The following ANKRD30B variants were observed in gnomAD, a reference collection of about 807,000 sequenced individuals.
ANKRD30B encodes ankyrin repeat domain-containing protein 30B.
Under a neutral mutation model 202.2 loss-of-function variants are expected in ANKRD30B, and 144 were observed. The observed-to-expected ratio is 0.71, with a 90% CI of 0.62 to 0.82. The LOEUF (loss-of-function observed/expected upper bound fraction) is 0.82. ANKRD30B is among the 40% of genes least tolerant of loss of function. The pLI, the probability that ANKRD30B is intolerant of heterozygous loss-of-function variation, is 0.00. For synonymous variants in ANKRD30B, 508 were observed against 561.3 expected, an observed-to-expected ratio of 0.91 and a Z score of 1.34; for missense variants, 1,487 against 1,669.1, an observed-to-expected ratio of 0.89 and a Z score of 1.90.
At chr18:14,907,435 G>C in the ANKRD30B span, among the ~76,000 whole-genome samples, 1 of 152,308 alleles carries the variant, frequency 6.6e-6, no homozygotes, top group East Asian at 1.9e-4. Flanking sequence ...TGTGTTTGGT[G>C]GTGCTGGTGT....
At chr18:14,892,786 T>C in the ANKRD30B span, among the ~76,000 whole-genome samples, 10 of 145,120 alleles carry the variant, frequency 6.9e-5, no homozygotes, top group African/African-American at 2.0e-4. Flanking sequence ...GGCATGGTGG[T>C]GAATTCCTAT....
downstream of ANKRD30B, among the ~76,000 whole-genome samples, chr18:14,855,406 G>A (rs552294193): frequency 7.9e-5 from 12 of 152,268 alleles, no homozygotes; most frequent in South Asian, 4.1e-4. Flanking sequence ...GTCCGTTCCC[G>A]ATGGTGGCTG....
In ANKRD30B at chr18:14,791,398, C is replaced by T. The variant is rs1231748619; in HGVS notation, c.1735-3C>T. The stretch of plus-strand genomic sequence containing the variant: ...AATTATTTATTGATATTACTTTTAA[C>T]AGAGTCCCTGTGAGACGGTTTCACA... On this transcript the variant is annotated splice_region_variant and splice_polypyrimidine_tract_variant and intron_variant, in intron 15 of 43. Transcript: ENST00000690538. 1.1e-5 allele frequency: 18 copies of T among 1,597,314 alleles called. No individual in the cohort carries two copies. Among genetic ancestry groups the T allele is most frequent in the Non-Finnish European group, 1.4e-5 (17 of 1,173,560 alleles).
intron 9 of ANKRD30B, among the ~76,000 whole-genome samples, chr18:14,772,956 T>A (rs1334381210): frequency 2.6e-5 from 4 of 152,094 alleles, no homozygotes; most frequent in Admixed American, 6.5e-5. Context: ...TCACTAATTT[T>A]AAAAATAATT....
At chr18:14,908,568 C>T in the ANKRD30B span, among the ~76,000 whole-genome samples, 4 of 152,210 alleles carry the variant, frequency 2.6e-5, no homozygotes, top group Admixed American at 6.5e-5. Context: ...CTAACCCTCT[C>T]GCTCTGACCT....
Position 14,763,855 on chromosome 18 carries a change from G to T in ANKRD30B, c.990G>T (p.Gln330His), listed in dbSNP as rs1473000372. 2 of 1,613,106 alleles carry T rather than the reference G, an allele frequency of 1.2e-6. No homozygotes were observed. Among genetic ancestry groups the T allele is most frequent in the Non-Finnish European group, 1.7e-6 (2 of 1,179,532 alleles). The change falls in exon 7 of 44, where the codon CAG becomes CAT. Residue 330 changes from glutamine to histidine, a missense_variant. Coordinates refer to ENST00000690538, the MANE Select transcript of ANKRD30B (RefSeq NM_001367607.2). ...LGKATSGKFE[Q>H]STEETPRKIL... is the part of the protein sequence containing the mutation. ...AAGCAACATCTGGAAAGTTTGAACA[G>T]TCAACAGAAGAAACACCTAGGAAAA...
chr18:14,926,679 C>T, the ANKRD30B span, among the ~76,000 whole-genome samples: 552 of 152,188 alleles, frequency 3.6e-3, 2 homozygotes, highest in Non-Finnish European at 5.2e-3. Flanking sequence ...TAAAAATCAA[C>T]TTTGGGAGGC....
the ANKRD30B span, among the ~76,000 whole-genome samples, chr18:14,928,889 T>C: frequency 6.6e-6 from 1 of 152,264 alleles, no homozygotes; most frequent in African/African-American, 2.4e-5. Flanking sequence ...CAGTCACTTT[T>C]AGGTACTTCC....
At chr18:14,822,580 T>G (rs1970477293) in intron 31 of ANKRD30B, 25 bp from the exon 32 acceptor site, 1 of 1,157,854 alleles carries the variant, frequency 8.6e-7, no homozygotes, top group Non-Finnish European at 1.3e-6. Context: ...TATATAGTAA[T>G]TATTGTGTTT....
the ANKRD30B span, among the ~76,000 whole-genome samples, chr18:14,922,119 C>T: frequency 1.3e-5 from 2 of 152,086 alleles, no homozygotes; most frequent in South Asian, 4.1e-4. Flanking sequence ...CATCTTCTGG[C>T]AGGAGGAGAA....
chr18:14,887,495 G>C, the ANKRD30B span, among the ~76,000 whole-genome samples: 1 of 151,876 alleles, frequency 6.6e-6, no homozygotes, highest in Non-Finnish European at 1.5e-5. Flanking sequence ...CAATTAATTG[G>C]CAAGAATATG....
At chr18:14,798,966 G>A (rs1363646047) in intron 20 of ANKRD30B, 135 bp from the exon 21 acceptor site, 5 of 967,598 alleles carry the variant, frequency 5.2e-6, no homozygotes, top group Non-Finnish European at 8.2e-6. Context: ...TAACCCAAAA[G>A]ACCCCAAAAC....
chr18:14,794,938 T>C (rs543288761), intron 16 of ANKRD30B, among the ~76,000 whole-genome samples: 15 of 152,310 alleles, frequency 9.8e-5, no homozygotes, highest in Admixed American at 7.2e-4. Flanking sequence ...TGAAAGGAGA[T>C]ATATTTCTAT....
chr18:14,816,636 C>A (rs1160906578), intron 30 of ANKRD30B: 2 of 141,292 alleles, frequency 1.4e-5, no homozygotes, highest in Admixed American at 7.2e-5. Context: ...CAGGGCCAGA[C>A]TCTGTGAAAA....
chr18:14,882,027 G>A, the ANKRD30B span, among the ~76,000 whole-genome samples: 45 of 151,938 alleles, frequency 3.0e-4, no homozygotes, highest in African/African-American at 9.7e-4. Context: ...ATGGTCTATC[G>A]ATTTTATTTA....
intron 7 of ANKRD30B, among the ~76,000 whole-genome samples, chr18:14,767,886 A>G (rs1205055534): frequency 2.6e-5 from 4 of 152,220 alleles, no homozygotes; most frequent in Non-Finnish European, 5.9e-5. Context: ...AATAACTGAA[A>G]TCACAGAAAT....
At chr18:14,815,861 T>A (rs1349436893) in intron 30 of ANKRD30B, among the ~76,000 whole-genome samples, 1 of 152,170 alleles carries the variant, frequency 6.6e-6, no homozygotes, top group Non-Finnish European at 1.5e-5. Context: ...CAAGGAATAT[T>A]GAGATGGCTA....
Position 14,752,883 on chromosome 18 carries a change from T to C in ANKRD30B, c.381T>C (p.Asp127=), listed in dbSNP as rs757471506. Residue 127 remains aspartate, a synonymous_variant, in exon 3 of 44, where the codon GAT becomes GAC. Coordinates refer to ENST00000690538, the MANE Select transcript of ANKRD30B (RefSeq NM_001367607.2). ...EREACANILI[D]AGADLNYVDV... is the part of the protein sequence containing the mutation. ...AGGCTTGTGCAAATATTCTCATAGA[T>C]GCTGGTGCTGATCTAAATTATGTAG... The C allele has an allele frequency of 3.1e-6, 5 of 1,609,128 alleles. No individual in the cohort carries two copies. The South Asian group carries it at 3.3e-5, about 11-fold the overall frequency.
intron 16 of ANKRD30B, among the ~76,000 whole-genome samples, chr18:14,795,452 C>G (rs375409051): frequency 6.6e-6 from 1 of 152,122 alleles, no homozygotes; most frequent in Non-Finnish European, 1.5e-5. Context: ...CCTCTTCAGG[C>G]GTCCAAGGTT....
Sources: gnomAD v4.1 joint callset for allele counts (sites outside exome capture counted in the v4.1 genomes callset) on GRCh38, gnomAD v4.1.1 for gene constraint, MANE v1.5 for transcripts, NCBI Gene and HGNC (gene_info 2026-07-23, HGNC 2026-07-21) for gene names.